Variants in NXN observed in about 807,000 individuals in gnomAD.
NXN encodes nucleoredoxin 1.
NXN carries 16 observed loss-of-function variants against 48.6 expected under a neutral mutation model. The ratio of observed to expected loss-of-function variants is 0.33; its 90% CI spans 0.22 to 0.50. NXN has a LOEUF of 0.50. NXN is among the 20% of genes least tolerant of loss of function. NXN has a pLI of 0.98. For synonymous variants in NXN, 281 were observed against 269.6 expected (o/e 1.04, Z -0.41); for missense variants, 492 against 605.5 (o/e 0.81, Z 1.97).
chr17:812,979 T>C (rs923535123), intron 5 of NXN, among the ~76,000 whole-genome samples: 24 of 151,764 alleles, frequency 1.6e-4, no homozygotes, highest in Non-Finnish European at 2.8e-4. Context: ...TAGGTGTGTG[T>C]GCACATGTGA....
At chr17:850,776 A>T (rs1334231427) in intron 1 of NXN, among the ~76,000 whole-genome samples, 1 of 152,198 alleles carries the variant, frequency 6.6e-6, no homozygotes, top group Non-Finnish European at 1.5e-5. Context: ...CAGGCACAGT[A>T]CATCTTCCCC....
intron 1 of NXN, among the ~76,000 whole-genome samples, chr17:964,093 A>G (rs558119284): frequency 6.6e-6 from 1 of 152,300 alleles, no homozygotes; most frequent in East Asian, 1.9e-4. Context: ...AAAAACAAAA[A>G]ATGCTGGCTC....
intron 1 of NXN, among the ~76,000 whole-genome samples, chr17:871,047 G>C (rs1255833706): frequency 6.6e-6 from 1 of 152,004 alleles, no homozygotes; most frequent in African/African-American, 2.4e-5. Flanking sequence ...ATTTTTAGTA[G>C]AGACGGGGTT....
chr17:853,068 C>G (rs1163747195), intron 1 of NXN, among the ~76,000 whole-genome samples: 1 of 152,004 alleles, frequency 6.6e-6, no homozygotes, highest in East Asian at 2.0e-4. Context: ...AGCTCCACCC[C>G]CTGGGTTCAA....
At chr17:887,295 C>T (rs985429377) in intron 1 of NXN, among the ~76,000 whole-genome samples, 3 of 152,124 alleles carry the variant, frequency 2.0e-5, no homozygotes, top group Admixed American at 1.3e-4. Context: ...GTGGCCACAG[C>T]GACGAAGGTT....
intron 1 of NXN, among the ~76,000 whole-genome samples, chr17:968,460 C>G (rs138127104): frequency 1.4e-3 from 207 of 152,276 alleles, no homozygotes; most frequent in African/African-American, 4.8e-3. Context: ...GCATTCCCAG[C>G]TACTCGGGAG....
At chr17:881,239 T>G in intron 1 of NXN, among the ~76,000 whole-genome samples, 1 of 152,114 alleles carries the variant, frequency 6.6e-6, no homozygotes. Context: ...GCCGGGGACA[T>G]AAATGGTGCA....
chr17:944,380 G>A (rs1191409173), intron 1 of NXN, among the ~76,000 whole-genome samples: 2 of 152,166 alleles, frequency 1.3e-5, no homozygotes, highest in Non-Finnish European at 2.9e-5. Context: ...ACGCTTCTCT[G>A]ACTTCAAAGC....
At chr17:836,906 C>A (rs11651777) in intron 1 of NXN, among the ~76,000 whole-genome samples, 1 of 152,104 alleles carries the variant, frequency 6.6e-6, no homozygotes, top group Non-Finnish European at 1.5e-5. Context: ...ATCCTCCCAC[C>A]TCAGCCTCCC....
intron 1 of NXN, among the ~76,000 whole-genome samples, chr17:891,996 GCACAACGCAACAGGGAACC>G (rs2068425805): frequency 7.1e-6 from 1 of 141,644 alleles, no homozygotes; most frequent in African/African-American, 2.7e-5. Context: ...ACCCCACCAT[GCACAACGCAACAGGGAACC>G]TAAACTAACC....
At chr17:926,401 G>T (rs1320951329) in intron 1 of NXN, among the ~76,000 whole-genome samples, 1 of 151,996 alleles carries the variant, frequency 6.6e-6, no homozygotes, top group Admixed American at 6.6e-5. Context: ...TACCCAGGCA[G>T]GTCTCGAACT....
intron 1 of NXN, among the ~76,000 whole-genome samples, chr17:901,785 T>G (rs959984515): frequency 2.6e-5 from 4 of 152,160 alleles, no homozygotes; most frequent in Non-Finnish European, 5.9e-5. Flanking sequence ...CTGCAACCTC[T>G]GCCTACTGGG....
chr17:955,700 T>G (rs556688840), intron 1 of NXN, among the ~76,000 whole-genome samples: 24 of 149,744 alleles, frequency 1.6e-4, no homozygotes, highest in African/African-American at 5.7e-4. Flanking sequence ...ATTGAGACCA[T>G]CCTGGCTAAC....
intron 5 of NXN, among the ~76,000 whole-genome samples, chr17:812,913 TGTA>T (rs1912228042): frequency 8.0e-6 from 1 of 124,530 alleles, no homozygotes; most frequent in Non-Finnish European, 1.7e-5. Flanking sequence ...CATGTGTGAC[TGTA>T]GGTGTGTGCG....
chr17:806,461 C>G (rs1294762178), intron 5 of NXN, among the ~76,000 whole-genome samples: 1 of 152,118 alleles, frequency 6.6e-6, no homozygotes, highest in South Asian at 2.1e-4. Flanking sequence ...TTTTCTGTGT[C>G]TCTGTTCTTT....
At chr17:850,548 C>A (rs1332264310) in intron 1 of NXN, among the ~76,000 whole-genome samples, 1 of 152,188 alleles carries the variant, frequency 6.6e-6, no homozygotes, top group Non-Finnish European at 1.5e-5. Flanking sequence ...CAAAGTAGGG[C>A]TCTTCCTCTG....
chr17:809,506 G>T (rs963760784), intron 5 of NXN, among the ~76,000 whole-genome samples: 2 of 152,172 alleles, frequency 1.3e-5, no homozygotes, highest in Non-Finnish European at 2.9e-5. Flanking sequence ...GAAGCTGAAG[G>T]GGTCCAGGAC....
At chr17:841,470 G>C (rs75963735) in intron 1 of NXN, among the ~76,000 whole-genome samples, 6,613 of 33,324 alleles carry the variant, frequency 0.2, 121 homozygotes, top group African/African-American at 0.27. Flanking sequence ...CATCTCACAC[G>C]GGCGAGCAGG....
At chr17:929,670 C>T (rs1183701188) in intron 1 of NXN, 1 of 152,186 alleles carries the variant, frequency 6.6e-6, no homozygotes, top group African/African-American at 2.4e-5. Context: ...TACCACGCAT[C>T]CCTCAATCCC....
Sources: allele counts gnomAD v4.1 joint callset (sites outside exome capture counted in the v4.1 genomes callset), GRCh38; gene constraint gnomAD v4.1.1; transcripts MANE v1.5; gene names NCBI Gene and HGNC (gene_info 2026-07-23, HGNC 2026-07-21).